SFMBT1: variants seen among roughly 807,000 people sequenced by gnomAD.
SFMBT1 encodes scm-like with four MBT domains protein 1.
Under a neutral mutation model 108.7 loss-of-function variants are expected in SFMBT1, and 32 were observed. The observed-to-expected ratio is 0.29, with a 90% confidence interval of 0.22 to 0.40. The LOEUF is 0.40. Among genes scored for constraint, SFMBT1 ranks in the 10% least tolerant of loss-of-function variants. The pLI, the probability that SFMBT1 is intolerant of heterozygous loss-of-function variation, is 1.00. For missense variants in SFMBT1, 816 were observed against 1,059.6 expected (o/e 0.77, Z 3.19); for synonymous variants, 348 against 369.5 (o/e 0.94, Z 0.67).
In SFMBT1 at chr3:52,991,306, T is replaced by A. The variant is rs571992155; in HGVS notation, c.-130-22048A>T. On this transcript the variant is annotated intron_variant, in intron 1 of 20. Transcript: ENST00000394752. ...TCTTCCCTACCTGCTGTGGTTTGAA[T>A]GTTGTGTCCCACCCAAAATTCACAT... Among the ~76,000 whole-genome samples the A allele has an allele frequency of 2.6e-5, 4 of 151,730 alleles. No individual in the cohort carries two copies. In the South Asian group the frequency reaches 8.3e-4, roughly 32 times the overall value.
chr3:53,010,076 A>T (rs1182204073), intron 1 of SFMBT1, among the ~76,000 whole-genome samples: 1 of 152,216 alleles, frequency 6.6e-6, no homozygotes, highest in Non-Finnish European at 1.5e-5. Flanking sequence ...GCAGCTACAG[A>T]GATTTAAAAC....
At chr3:53,006,134 G>T (rs1243114908) in intron 1 of SFMBT1, among the ~76,000 whole-genome samples, 1 of 152,196 alleles carries the variant, frequency 6.6e-6, no homozygotes, top group African/African-American at 2.4e-5. Context: ...AACAAGAAAA[G>T]ACTAGAAAGC....
intron 10 of SFMBT1, among the ~76,000 whole-genome samples, chr3:52,923,136 G>A (rs921185755): frequency 2.0e-5 from 3 of 152,156 alleles, no homozygotes; most frequent in African/African-American, 7.2e-5. Context: ...GAAGATGAAA[G>A]TTAGGACCAA....
chr3:52,908,012 A>G (rs1702115488), intron 17 of SFMBT1, among the ~76,000 whole-genome samples: 1 of 151,614 alleles, frequency 6.6e-6, no homozygotes, highest in Admixed American at 6.6e-5. Context: ...TCTAAACACT[A>G]TCACTATAGA....
At chr3:52,940,489 C>T (rs1306986138) in intron 4 of SFMBT1, among the ~76,000 whole-genome samples, 1 of 151,962 alleles carries the variant, frequency 6.6e-6, no homozygotes, top group Admixed American at 6.5e-5. Context: ...AGGATTATAA[C>T]CCATTAAATA....
Position 52,928,297 on chromosome 3 carries a change from A to C in SFMBT1, c.942T>G (p.Arg314=). Residue 314 remains arginine, a synonymous_variant, in exon 9 of 21, where the codon CGT becomes CGG. Transcript: ENST00000394752. ...KYFLVEMDDL[R]PENHARRSFV... ...AGGATCGCCGTGCGTGGTTCTCAGGACGCAAGTCATCCATTTCCACCAGAA... is the reference window on the plus strand; with the variant it reads ...AGGATCGCCGTGCGTGGTTCTCAGGCCGCAAGTCATCCATTTCCACCAGAA... 1 of 1,614,072 alleles carries C rather than the reference A, an allele frequency of 6.2e-7. No individual in the cohort carries two copies. Among genetic ancestry groups the C allele is most frequent in the Non-Finnish European group, 8.5e-7 (1 of 1,180,024 alleles).
intron 3 of SFMBT1, among the ~76,000 whole-genome samples, chr3:52,950,665 G>A (rs914087444): frequency 6.6e-6 from 1 of 152,102 alleles, no homozygotes; most frequent in African/African-American, 2.4e-5. Context: ...GTAGAGACAA[G>A]GTTTCACCAT....
intron 1 of SFMBT1, among the ~76,000 whole-genome samples, chr3:53,011,145 T>C (rs888173426): frequency 6.6e-6 from 1 of 152,174 alleles, no homozygotes; most frequent in African/African-American, 2.4e-5. Flanking sequence ...AAGGGAGAGT[T>C]AACTGTGGGT....
intron 5 of SFMBT1, 120 bp downstream of exon 5, chr3:52,934,693 G>C: frequency 1.3e-6 from 1 of 764,732 alleles, no homozygotes; most frequent in Non-Finnish European, 2.1e-6. Context: ...CAATACCTAT[G>C]CCTATGTCTC....
chr3:52,910,749 A>G (rs1702194929), intron 17 of SFMBT1, among the ~76,000 whole-genome samples: 1 of 152,198 alleles, frequency 6.6e-6, no homozygotes, highest in African/African-American at 2.4e-5. Context: ...TCGGCCTCCC[A>G]AAGTGCTGGG....
chr3:52,985,084 A>ATT (rs1263768963), intron 1 of SFMBT1, among the ~76,000 whole-genome samples: 2 of 152,178 alleles, frequency 1.3e-5, no homozygotes, highest in Non-Finnish European at 1.5e-5. Context: ...ATTTTCATCA[A>ATT]TTAAATGCTT....
At chr3:52,953,853 G>C (rs1006542263) in intron 3 of SFMBT1, among the ~76,000 whole-genome samples, 2 of 152,130 alleles carry the variant, frequency 1.3e-5, no homozygotes, top group Admixed American at 6.5e-5. Flanking sequence ...AGTGTGACCA[G>C]GCACAGTGGC....
At chr3:53,005,928 C>A (rs1698724359) in intron 1 of SFMBT1, among the ~76,000 whole-genome samples, 1 of 152,138 alleles carries the variant, frequency 6.6e-6, no homozygotes, top group South Asian at 2.1e-4. Flanking sequence ...AAGCCGGCAA[C>A]CAGAAGGGCA....
chr3:52,975,321 A>G (rs1704481288), intron 1 of SFMBT1, among the ~76,000 whole-genome samples: 1 of 152,178 alleles, frequency 6.6e-6, no homozygotes, highest in South Asian at 2.1e-4. Flanking sequence ...CCAAATCCCA[A>G]TAGGGCATTT....
chr3:53,026,971 TG>T (rs1412835609), intron 1 of SFMBT1, among the ~76,000 whole-genome samples: 1 of 152,094 alleles, frequency 6.6e-6, no homozygotes, highest in Non-Finnish European at 1.5e-5. Flanking sequence ...TTTGTAGAGA[TG>T]GGGTCTCGCT....
At chr3:52,952,891 T>C (rs991712640) in intron 3 of SFMBT1, among the ~76,000 whole-genome samples, 1 of 152,144 alleles carries the variant, frequency 6.6e-6, no homozygotes, top group African/African-American at 2.4e-5. Flanking sequence ...CTTCTTCCTT[T>C]AAGAAGAGAC....
intron 1 of SFMBT1, among the ~76,000 whole-genome samples, chr3:53,012,459 G>C (rs992409181): frequency 2.1e-4 from 32 of 151,788 alleles, no homozygotes; most frequent in African/African-American, 7.8e-4. Context: ...CTGGAGTGCA[G>C]TGGCGCGATC....
At chr3:52,959,069 T>C (rs1703875646) in intron 2 of SFMBT1, among the ~76,000 whole-genome samples, 1 of 148,762 alleles carries the variant, frequency 6.7e-6, no homozygotes, top group Non-Finnish European at 1.5e-5. Flanking sequence ...AAGTGGGAGC[T>C]GAACAATGTG....
At chr3:53,015,811 A>C (rs1315210570) in intron 1 of SFMBT1, among the ~76,000 whole-genome samples, 1 of 152,204 alleles carries the variant, frequency 6.6e-6, no homozygotes, top group Non-Finnish European at 1.5e-5. Context: ...AATGGGTACA[A>C]GGTTTTTTTT....
Sources: gnomAD v4.1 joint callset for allele counts (sites outside exome capture counted in the v4.1 genomes callset) on GRCh38, gnomAD v4.1.1 for gene constraint, MANE v1.5 for transcripts, NCBI Gene and HGNC (gene_info 2026-07-23, HGNC 2026-07-21) for gene names.